Variants in LRRN1 observed in about 807,000 individuals in gnomAD.
LRRN1 encodes leucine rich repeat neuronal 1, also known as leucine-rich repeat neuronal protein 1.
Under a neutral mutation model 45.8 loss-of-function variants are expected in LRRN1, and 14 were observed. That is an observed-to-expected ratio of 0.31 (90% CI 0.20 to 0.48). The LOEUF (loss-of-function observed/expected upper bound fraction) is 0.48, where lower values mean the gene tolerates loss of function less well. Among genes scored for constraint, LRRN1 ranks in the 20% least tolerant of loss-of-function variants. LRRN1 has a pLI of 0.99. For missense variants in LRRN1, 789 were observed against 874.2 expected, an observed-to-expected ratio of 0.90 and a Z score of 1.23; for synonymous variants, 359 against 330.1, an observed-to-expected ratio of 1.09 and a Z score of -0.95.
chr3:3,831,950 G>T (rs1024203735), intron 1 of LRRN1, among the ~76,000 whole-genome samples: 2 of 152,238 alleles, frequency 1.3e-5, no homozygotes, highest in Non-Finnish European at 2.9e-5. Flanking sequence ...CTTCTGATGG[G>T]CCTTATGGAC....
intron 1 of LRRN1, among the ~76,000 whole-genome samples, chr3:3,824,993 C>A (rs1296412058): frequency 6.6e-6 from 1 of 152,152 alleles, no homozygotes; most frequent in Non-Finnish European, 1.5e-5. Context: ...AGCCTGCTTG[C>A]TTTTGATCAG....
intron 1 of LRRN1, among the ~76,000 whole-genome samples, chr3:3,826,344 A>G (rs1055797718): frequency 6.6e-6 from 1 of 152,200 alleles, no homozygotes; most frequent in Admixed American, 6.5e-5. Context: ...CTGGGAAGCT[A>G]TGACTACTTA....
At chr3:3,802,315 A>G (rs1283506070) in intron 1 of LRRN1, among the ~76,000 whole-genome samples, 1 of 152,210 alleles carries the variant, frequency 6.6e-6, no homozygotes, top group Non-Finnish European at 1.5e-5. Flanking sequence ...CGATTATATT[A>G]ATACCTACGA....
intron 1 of LRRN1, 77 bp from the exon 2 acceptor site, chr3:3,844,287 T>C (rs1022921024): frequency 1.1e-5 from 2 of 177,584 alleles, no homozygotes; most frequent in African/African-American, 4.7e-5. Context: ...ACTATGCCTT[T>C]TTAGTAAACA....
At chr3:3,808,264 T>G (rs1692807523) in intron 1 of LRRN1, among the ~76,000 whole-genome samples, 3 of 152,182 alleles carry the variant, frequency 2.0e-5, no homozygotes. Context: ...ATAATGATAC[T>G]CTACACTGTG....
chr3:3,840,550 A>G (rs6442834), intron 1 of LRRN1, among the ~76,000 whole-genome samples: 142,076 of 152,280 alleles, frequency 0.93, 66,910 homozygotes, highest in Non-Finnish European at 1. Flanking sequence ...GTTTGGTGAA[A>G]TTTGCTAAAG....
At chr3:3,800,519 GA>G (rs150551639) in intron 1 of LRRN1, among the ~76,000 whole-genome samples, 4,062 of 151,974 alleles carry the variant, frequency 0.027, 198 homozygotes, top group African/African-American at 0.092. Context: ...AGGATCTACC[GA>G]ACTCTCGGCG....
intron 1 of LRRN1, among the ~76,000 whole-genome samples, chr3:3,803,466 G>T (rs1692696627): frequency 1.3e-5 from 2 of 152,120 alleles, no homozygotes; most frequent in Admixed American, 1.3e-4. Context: ...TTCCCCGAAT[G>T]ATTCATTTCA....
At chr3:3,819,461 C>G (rs1018655279) in intron 1 of LRRN1, among the ~76,000 whole-genome samples, 2 of 152,170 alleles carry the variant, frequency 1.3e-5, no homozygotes, top group African/African-American at 4.8e-5. Context: ...CCTCTGAAAC[C>G]TGTAAGAGAA....
rs1693838928 is a variant in LRRN1 at position 3,849,182 on chromosome 3, A to AACTT, written c.*2393_*2396dup. The stretch of plus-strand genomic sequence containing the variant: ...ATTCGGCCCATAAAGCAAACATTTG[A>AACTT]ACTTACACAGAATGAGCACTTAAAT... On this transcript the variant is annotated 3_prime_UTR_variant, in exon 2 of 2. Transcript: ENST00000319331. Among the ~76,000 whole-genome samples the AACTT allele has an allele frequency of 6.6e-6, 1 of 152,208 alleles. No homozygotes were observed. Among genetic ancestry groups the AACTT allele is most frequent in the Admixed American group, 6.5e-5 (1 of 15,274 alleles).
In LRRN1 at chr3:3,849,425, TA is replaced by T. The variant is rs1317480703; in HGVS notation, c.*2634del. On this transcript the variant is annotated 3_prime_UTR_variant, in exon 2 of 2. Transcript: ENST00000319331. ...TTTCAGCTGATAGAAAACAAAATGA[TA>T]GAGTACTTTTTTCCTTGGCCAAGTA... Among the ~76,000 whole-genome samples, 1 of 152,242 alleles carries T rather than the reference TA, an allele frequency of 6.6e-6. No individual in the cohort carries two copies. The highest frequency in any genetic ancestry group is 1.5e-5 in the Non-Finnish European group (1 of 68,040).
chr3:3,812,006 GAAT>G (rs1692884347), intron 1 of LRRN1, among the ~76,000 whole-genome samples: 1 of 152,160 alleles, frequency 6.6e-6, no homozygotes, highest in African/African-American at 2.4e-5. Flanking sequence ...TAGAATGGAG[GAAT>G]AATGTCTACC....
intron 1 of LRRN1, among the ~76,000 whole-genome samples, chr3:3,803,341 A>G (rs1227297305): frequency 1.3e-5 from 2 of 152,238 alleles, no homozygotes; most frequent in African/African-American, 2.4e-5. Flanking sequence ...TTATACCACC[A>G]TAAGTAGGCC....
At chr3:3,817,360 G>A (rs548957399) in intron 1 of LRRN1, among the ~76,000 whole-genome samples, 15 of 152,280 alleles carry the variant, frequency 9.9e-5, no homozygotes, top group South Asian at 8.3e-4. Context: ...GGCAGATGGC[G>A]TTACTTTGCT....
At position 3,846,678 on chromosome 3, in the gene LRRN1, G is replaced by T; in HGVS notation, c.2037G>T (p.Glu679Asp). 1 of 1,613,886 alleles carries T rather than the reference G, an allele frequency of 6.2e-7. No individual in the cohort carries two copies. The highest frequency in any genetic ancestry group is 1.1e-5 in the South Asian group (1 of 91,078). Residue 679 changes from glutamate (E) to aspartate (D), a missense_variant, in exon 2 of 2, where the codon GAG (glutamate) becomes GAT (aspartate). Transcript: ENST00000319331. The surrounding 1 kb of genome is among the most constrained non-coding windows in gnomAD (Gnocchi z 5.7). ...MQKTSSIPLN[E>D]LYPPLINLWE... Reference sequence around the variant, plus strand: ...AAACCTCTTCAATCCCACTAAATGAGCTGTACCCACCACTCATTAACCTCT... The same window carrying T: ...AAACCTCTTCAATCCCACTAAATGATCTGTACCCACCACTCATTAACCTCT...
At chr3:3,810,079 T>G (rs752778754) in intron 1 of LRRN1, among the ~76,000 whole-genome samples, 1 of 152,228 alleles carries the variant, frequency 6.6e-6, no homozygotes, top group Non-Finnish European at 1.5e-5. Context: ...ATTCCACTGA[T>G]GTGCTTTGAA....
In LRRN1 at chr3:3,846,783, C is replaced by T. The variant is rs1173199767; in HGVS notation, c.2142C>T (p.Tyr714=). 6.9e-6 allele frequency: 11 copies of T among 1,601,066 alleles called. No homozygotes were observed. The highest frequency in any genetic ancestry group is 1.1e-5 in the South Asian group (1 of 88,104). ...AGGTCGACACATCCAGAAGCTATTA[C>T]ATGTGGTAACTCAGAGGATATTTTG... ...PTQVDTSRSY[Y]MW The change falls in exon 2 of 2, where the codon TAC becomes TAT. Residue 714 remains tyrosine (Y), a synonymous_variant. Transcript: ENST00000319331. This position sits in a 1 kb window ranked among gnomAD's most constrained non-coding sequence, Gnocchi z 5.7.
chr3:3,817,491 T>C (rs1012567363), intron 1 of LRRN1, among the ~76,000 whole-genome samples: 2 of 152,216 alleles, frequency 1.3e-5, no homozygotes, highest in Non-Finnish European at 2.9e-5. Context: ...CTATGTTAAA[T>C]GTATGCACAC....
chr3:3,820,276 A>G (rs1367661364), intron 1 of LRRN1, among the ~76,000 whole-genome samples: 1 of 152,192 alleles, frequency 6.6e-6, no homozygotes, highest in African/African-American at 2.4e-5. Context: ...CCTAAAAGGC[A>G]TATTTGTGCA....
Sources: allele counts gnomAD v4.1 joint callset (sites outside exome capture counted in the v4.1 genomes callset), GRCh38; gene constraint gnomAD v4.1.1; non-coding constraint Gnocchi (gnomAD v3.1); transcripts MANE v1.5; gene names NCBI Gene and HGNC (gene_info 2026-07-23, HGNC 2026-07-21).